CACNA1D: variants seen among roughly 807,000 people sequenced by gnomAD.
CACNA1D encodes calcium voltage-gated channel subunit alpha1 D, also known as voltage-dependent L-type calcium channel subunit alpha-1D.
CACNA1D carries 55 observed loss-of-function variants against 257.1 expected under a neutral mutation model. The ratio of observed to expected loss-of-function variants is 0.21; its 90% CI spans 0.17 to 0.27. The LOEUF is 0.27. Among genes scored for constraint, CACNA1D ranks in the 10% least tolerant of loss-of-function variants. The pLI is 1.00. For synonymous variants in CACNA1D, 980 were observed against 1,014.9 expected, an observed-to-expected ratio of 0.97 and a Z score of 0.65; for missense variants, 1,876 against 2,784.0, an observed-to-expected ratio of 0.67 and a Z score of 7.34.
At chr3:53,615,390 C>T (rs1035335041) in intron 3 of CACNA1D, among the ~76,000 whole-genome samples, 1 of 152,216 alleles carries the variant, frequency 6.6e-6, no homozygotes, top group Non-Finnish European at 1.5e-5. Flanking sequence ...CCCGGTTGCC[C>T]TGTGCTAATC....
intron 38 of CACNA1D, among the ~76,000 whole-genome samples, chr3:53,780,894 G>A (rs1210556682): frequency 6.6e-6 from 1 of 152,214 alleles, no homozygotes; most frequent in African/African-American, 2.4e-5. Context: ...AGGGACTCAT[G>A]CTGAGTGCAG....
In CACNA1D at chr3:53,811,125, G is replaced by A. The variant is rs373783390; in HGVS notation, c.6205G>A (p.Glu2069Lys). 9.9e-6 allele frequency: 16 copies of A among 1,613,744 alleles called. No homozygotes were observed. The highest frequency in any genetic ancestry group is 4.0e-5 in the African/African-American group (3 of 74,876). Reference sequence around the variant, plus strand: ...CTTTTCTGTACAGGTCCTGATATCCGAAGGCTTGGGACGCTATGCAAGGGA... The same window carrying A: ...CTTTTCTGTACAGGTCCTGATATCCAAAGGCTTGGGACGCTATGCAAGGGA... ...DSLVEAVLIS[E>K]GLGRYARDPK... The change falls in exon 48 of 48, where the codon GAA becomes AAA. Residue 2069 changes from glutamate (E) to lysine (K), a missense_variant. By Grantham distance (56) the Glu-to-Lys change is moderately conservative (BLOSUM62 1). Coordinates refer to ENST00000350061, the MANE Select transcript of CACNA1D (RefSeq NM_001128840.3). This position sits in a 1 kb window ranked among gnomAD's most constrained non-coding sequence, Gnocchi z 4.2.
In CACNA1D at chr3:53,520,886, CTTTCTTTCTTTTCTTTTCT is replaced by C. The variant is rs1443418206; in HGVS notation, c.483+19174_483+19192del. Among the ~76,000 whole-genome samples, 870 of 87,512 alleles carry C rather than the reference CTTTCTTTCTTTTCTTTTCT, an allele frequency of 9.9e-3. 8 individuals carry two copies. The highest frequency in any genetic ancestry group is 0.015 in the African/African-American group (238 of 16,000). 57.4% of individuals were successfully genotyped at this position (87,512 alleles called of 152,430 possible). A position where few individuals can be genotyped will look rare whatever the true frequency, so the allele number is the denominator to read the frequency against. On this transcript the variant is annotated intron_variant, in intron 3 of 47. Coordinates refer to ENST00000350061, the MANE Select transcript of CACNA1D (RefSeq NM_001128840.3). Reference sequence around the variant, plus strand: ...TCTTTCTTTCTTTCTTTCTTTCTTTCTTTCTTTCTTTTCTTTTCTTTTCTTTTCTTTTTCTTTCTTTTCT... The same window carrying C: ...TCTTTCTTTCTTTCTTTCTTTCTTTCTTTCTTTTCTTTTTCTTTCTTTTCT...
At chr3:53,583,395 G>T (rs2093163918) in intron 3 of CACNA1D, among the ~76,000 whole-genome samples, 1 of 152,116 alleles carries the variant, frequency 6.6e-6, no homozygotes, top group Non-Finnish European at 1.5e-5. Flanking sequence ...GGGCTGTCTG[G>T]CCTGTACTTG....
At chr3:53,508,314 CT>C (rs201587395) in intron 3 of CACNA1D, among the ~76,000 whole-genome samples, 1 of 151,332 alleles carries the variant, frequency 6.6e-6, no homozygotes, top group Admixed American at 6.6e-5. Flanking sequence ...TCCCACATTT[CT>C]TTTTTTTTGT....
chr3:53,577,038 C>T (rs983233132), intron 3 of CACNA1D, among the ~76,000 whole-genome samples: 9 of 152,130 alleles, frequency 5.9e-5, no homozygotes, highest in Non-Finnish European at 8.8e-5. Flanking sequence ...CAGGGGCAAT[C>T]GGAGCTGTAG....
intron 3 of CACNA1D, among the ~76,000 whole-genome samples, chr3:53,510,593 G>A (rs538401581): frequency 2.4e-4 from 37 of 152,286 alleles, no homozygotes; most frequent in African/African-American, 7.9e-4. Flanking sequence ...TAAACTCTCC[G>A]GGTTGGAGGG....
At chr3:53,735,333 C>T in intron 19 of CACNA1D, 41 bp from the exon 20 acceptor site, 1 of 1,604,718 alleles carries the variant, frequency 6.2e-7, no homozygotes, top group South Asian at 1.1e-5. Context: ...TGTGTTCCAC[C>T]CTATCTGGGA....
intron 19 of CACNA1D, among the ~76,000 whole-genome samples, chr3:53,734,462 G>T (rs147768314): frequency 2.0e-5 from 3 of 151,786 alleles, no homozygotes; most frequent in Admixed American, 6.6e-5. Flanking sequence ...TGTTTTATGT[G>T]TATACATATA....
At chr3:53,620,479 A>G (rs913127373) in intron 3 of CACNA1D, among the ~76,000 whole-genome samples, 2 of 152,096 alleles carry the variant, frequency 1.3e-5, no homozygotes, top group African/African-American at 2.4e-5. Flanking sequence ...TTTTGTAGAG[A>G]TGGGGTCTCA....
At chr3:53,533,154 T>G (rs978242096) in intron 3 of CACNA1D, among the ~76,000 whole-genome samples, 1 of 152,254 alleles carries the variant, frequency 6.6e-6, no homozygotes, top group African/African-American at 2.4e-5. Context: ...TGTCTTGGCT[T>G]CAAAGAAGCT....
chr3:53,549,441 T>C (rs6764908), intron 3 of CACNA1D, among the ~76,000 whole-genome samples: 30,848 of 152,168 alleles, frequency 0.2, 3,226 homozygotes, highest in Non-Finnish European at 0.24. Context: ...CACTGACTTG[T>C]TGACTTGCTG....
chr3:53,725,030 A>C (rs2094921469), intron 14 of CACNA1D, among the ~76,000 whole-genome samples: 1 of 146,006 alleles, frequency 6.8e-6, no homozygotes, highest in African/African-American at 2.5e-5. Flanking sequence ...TAATGCATGC[A>C]TATGGCACAA....
At chr3:53,712,329 A>AG (rs1163045810) in intron 9 of CACNA1D, among the ~76,000 whole-genome samples, 1 of 152,210 alleles carries the variant, frequency 6.6e-6, no homozygotes, top group Non-Finnish European at 1.5e-5. Flanking sequence ...TGCTGGCACC[A>AG]GGTGGGGCAC....
intron 3 of CACNA1D, among the ~76,000 whole-genome samples, chr3:53,609,034 G>A (rs2093549722): frequency 1.3e-5 from 2 of 152,194 alleles, no homozygotes; most frequent in Non-Finnish European, 2.9e-5. Flanking sequence ...TGTAGGATTA[G>A]TATTATCCCT....
At chr3:53,678,853 G>A (rs2094400888) in intron 8 of CACNA1D, 1 of 152,054 alleles carries the variant, frequency 6.6e-6, no homozygotes, top group South Asian at 2.1e-4. Context: ...TACTTGAATG[G>A]TGGCTCAAGA....
At chr3:53,725,060 A>G (rs2094921906) in intron 14 of CACNA1D, among the ~76,000 whole-genome samples, 1 of 149,784 alleles carries the variant, frequency 6.7e-6, no homozygotes, top group African/African-American at 2.5e-5. Flanking sequence ...GTTACAAATG[A>G]ATAATAATTC....
intron 7 of CACNA1D, among the ~76,000 whole-genome samples, chr3:53,668,974 T>C (rs2094296241): frequency 1.3e-5 from 2 of 152,204 alleles, no homozygotes; most frequent in South Asian, 4.1e-4. Context: ...CTAGATTTGG[T>C]CTGCAGGTCA....
intron 3 of CACNA1D, among the ~76,000 whole-genome samples, chr3:53,605,600 G>A (rs1467325990): frequency 6.6e-6 from 1 of 152,218 alleles, no homozygotes; most frequent in African/African-American, 2.4e-5. Flanking sequence ...CACTTGGATG[G>A]TTAGTATTGT....
Sources: gnomAD v4.1 joint callset for allele counts (sites outside exome capture counted in the v4.1 genomes callset) on GRCh38, gnomAD v4.1.1 for gene constraint, Gnocchi (gnomAD v3.1) non-coding constraint, MANE v1.5 for transcripts, NCBI Gene and HGNC (gene_info 2026-07-23, HGNC 2026-07-21) for gene names.